The following XPA variants were observed in gnomAD, a reference collection of about 807,000 sequenced individuals.
XPA encodes the protein XPA, DNA damage recognition and repair factor.
A neutral mutation model predicts 35.7 loss-of-function variants in XPA; 27 were observed. That is an observed-to-expected ratio of 0.76 (90% confidence interval 0.56 to 1.04). The LOEUF (loss-of-function observed/expected upper bound fraction) is 1.04. Among genes scored for constraint, XPA ranks in the 50% least tolerant of loss-of-function variants. The pLI is 0.00. For synonymous variants in XPA, 133 were observed against 118.4 expected (o/e 1.12, Z -0.80); for missense variants, 354 against 342.7 (o/e 1.03, Z -0.26).
chr9:97,668,051 G>C, the XPA span, among the ~76,000 whole-genome samples: 6 of 152,306 alleles, frequency 3.9e-5, no homozygotes, highest in African/African-American at 1.4e-4. Flanking sequence ...TGCTTAAAGT[G>C]GAGAGATCAG....
intron 5 of XPA, among the ~76,000 whole-genome samples, chr9:97,683,037 T>TA (rs755700952): frequency 1.3e-5 from 2 of 152,312 alleles, no homozygotes; most frequent in Non-Finnish European, 2.9e-5. Flanking sequence ...GCCCTCGTTT[T>TA]AAAAAATATT....
At chr9:97,668,718 G>A in the XPA span, 9 of 985,818 alleles carry the variant, frequency 9.1e-6, no homozygotes, top group Non-Finnish European at 1.1e-5. Context: ...GGCGGGGTGG[G>A]GGGGTACTTT....
rs895983352 is a variant in XPA at position 97,697,112 on chromosome 9, G to T, written c.172+9C>A. 1 of 1,536,062 alleles carries T rather than the reference G, an allele frequency of 6.5e-7. No homozygotes were observed. Among genetic ancestry groups the T allele is most frequent in the Non-Finnish European group, 8.7e-7 (1 of 1,143,096 alleles). On this transcript the variant is annotated intron_variant, in intron 1 of 5. Coordinates refer to ENST00000375128, the MANE Select transcript of XPA (RefSeq NM_000380.4). ...AGAGGGAAGGGGAAAGCGCGGACGC[G>T]GCCCAAACCTCCAGTAGCCGCAGCC... is the stretch of plus-strand genomic sequence containing the variant.
At chr9:97,655,592 A>AT in the XPA span, 3 of 782,770 alleles carry the variant, frequency 3.8e-6, no homozygotes, top group African/African-American at 5.3e-5. Flanking sequence ...TATGCTTTTC[A>AT]TTAACTCTGT....
In XPA at chr9:97,697,227, G is replaced by A. The variant is rs752140582; in HGVS notation, c.66C>T (p.Ala22=). 2.7e-5 allele frequency: 44 copies of A among 1,601,274 alleles called. No individual in the cohort carries two copies. The highest frequency in any genetic ancestry group is 1.8e-5 in the Non-Finnish European group (21 of 1,179,092). ...TCCGCTCGATACTCGCCCGCACCGA[G>A]GCAGGCAGCTCCGCGGGTTGCTCTA... The part of the protein sequence containing the change: ...AALEQPAELP[A]SVRASIERKR... The change falls in exon 1 of 6, where the codon GCC becomes GCT. Residue 22 remains alanine (A), a synonymous_variant. Transcript: ENST00000375128.
At chr9:97,696,627 G>T (rs1408779223) in intron 1 of XPA, among the ~76,000 whole-genome samples, 1 of 152,108 alleles carries the variant, frequency 6.6e-6, no homozygotes, top group African/African-American at 2.4e-5. Context: ...TCTAGTAACG[G>T]GAAGCTCATG....
At chr9:97,662,241 G>A in the XPA span, 2 of 873,466 alleles carry the variant, frequency 2.3e-6, no homozygotes, top group Non-Finnish European at 3.7e-6. Flanking sequence ...TGAATATGAA[G>A]ATCTTAATAG....
chr9:97,672,127 A>G (rs564999567), downstream of XPA: 24 of 152,340 alleles, frequency 1.6e-4, no homozygotes, highest in African/African-American at 5.8e-4. Flanking sequence ...TGTTTCCTGT[A>G]TAGTACTGAT....
intron 2 of XPA, among the ~76,000 whole-genome samples, chr9:97,690,713 G>A (rs1564048439): frequency 6.6e-6 from 1 of 152,158 alleles, no homozygotes; most frequent in Non-Finnish European, 1.5e-5. Context: ...AGTAGAGACA[G>A]AGTTTTGCCA....
chr9:97,672,093 CA>C, downstream of XPA: 1 of 152,072 alleles, frequency 6.6e-6, no homozygotes, highest in Non-Finnish European at 1.5e-5. Context: ...GAACCTGATC[CA>C]AAAAACTACG....
the XPA span, chr9:97,658,771 TTTAAAAGG>T: frequency 1.3e-6 from 2 of 1,488,866 alleles, no homozygotes; most frequent in South Asian, 1.1e-5. Context: ...TCCCTCTGTC[TTTAAAAGG>T]TACCAGTTCA....
intron 1 of XPA, 107 bp downstream of exon 1, chr9:97,697,014 A>T (rs1052652596): frequency 7.3e-7 from 1 of 1,371,370 alleles, no homozygotes; most frequent in Non-Finnish European, 9.6e-7. Context: ...CACATACGCC[A>T]GCGGAGTTGA....
downstream of XPA, chr9:97,674,889 C>CA (rs568303949): frequency 1.6e-4 from 76 of 488,184 alleles, 2 homozygotes; most frequent in East Asian, 3.2e-3. Flanking sequence ...ATAGAGGCCC[C>CA]AAGAGTACAG....
At chr9:97,656,613 CACA>C in the XPA span, among the ~76,000 whole-genome samples, 1 of 152,140 alleles carries the variant, frequency 6.6e-6, no homozygotes, top group Non-Finnish European at 1.5e-5. Context: ...GAAAAGTTGG[CACA>C]ACATTACAAA....
chr9:97,655,629 CTT>C, the XPA span: 1 of 1,251,040 alleles, frequency 8.0e-7, no homozygotes, highest in Admixed American at 2.1e-5. Context: ...TGTTTGAAGG[CTT>C]ATATAAGTTT....
intron 1 of XPA, among the ~76,000 whole-genome samples, chr9:97,695,470 C>G (rs1006270469): frequency 2.0e-5 from 3 of 152,032 alleles, no homozygotes; most frequent in African/African-American, 7.3e-5. Context: ...AATGAACCTA[C>G]CAGAATATGT....
chr9:97,689,467 A>C, intron 3 of XPA, 67 bp downstream of exon 3: 6 of 944,070 alleles, frequency 6.4e-6, no homozygotes, highest in Non-Finnish European at 1.0e-5. Context: ...CCAAACAGAT[A>C]TAACTTGTTT....
In XPA at chr9:97,689,644, G is replaced by A; in HGVS notation, c.284-5C>T. The A allele has an allele frequency of 6.4e-7, 1 of 1,564,576 alleles. No homozygotes were observed. The highest frequency in any genetic ancestry group is 8.8e-7 in the Non-Finnish European group (1 of 1,136,430). ...AATCAAATTCCATAACAGGTCCTAAGAAAAGGAAAATGAACTCTAGTTTCC... is the reference window on the plus strand; with the variant it reads ...AATCAAATTCCATAACAGGTCCTAAAAAAAGGAAAATGAACTCTAGTTTCC... On this transcript the variant is annotated splice_region_variant and splice_polypyrimidine_tract_variant and intron_variant, in intron 2 of 5. Transcript: ENST00000375128.
chr9:97,655,045 GT>G, the XPA span: 4 of 1,054,006 alleles, frequency 3.8e-6, no homozygotes, highest in South Asian at 1.9e-5. Flanking sequence ...TCCATGTTTA[GT>G]TTTTTTCTTG....
Sources: allele counts gnomAD v4.1 joint callset (sites outside exome capture counted in the v4.1 genomes callset), GRCh38; gene constraint gnomAD v4.1.1; transcripts MANE v1.5; gene names NCBI Gene and HGNC (gene_info 2026-07-23, HGNC 2026-07-21).